RPH3AL: variants seen among roughly 807,000 people sequenced by gnomAD.
RPH3AL encodes rabphilin 3A like (without C2 domains).
RPH3AL carries 38 observed loss-of-function variants against 43.1 expected under a neutral mutation model. That is an observed-to-expected ratio of 0.88 (90% confidence interval 0.68 to 1.15). RPH3AL has a LOEUF of 1.15. Ranked by LOEUF, RPH3AL falls within the 50% of genes most tolerant of loss-of-function variation. The probability of loss-of-function intolerance (pLI) is 0.00; values close to 1 mark genes in which losing one functional copy is unlikely to be tolerated. For synonymous variants in RPH3AL, 189 were observed against 176.3 expected (o/e 1.07, Z -0.57); for missense variants, 462 against 423.2 (o/e 1.09, Z -0.81).
intron 5 of RPH3AL, among the ~76,000 whole-genome samples, chr17:304,416 C>T (rs1318921994): frequency 6.6e-6 from 1 of 152,090 alleles, no homozygotes; most frequent in Admixed American, 6.6e-5. Context: ...CTGTAAGTTA[C>T]TTTTTAAAAT....
At chr17:247,464 G>C (rs1177244664) in intron 6 of RPH3AL, among the ~76,000 whole-genome samples, 179 bp from the exon 7 acceptor site, 1 of 152,166 alleles carries the variant, frequency 6.6e-6, no homozygotes, top group Non-Finnish European at 1.5e-5. Context: ...CAGGACTCAG[G>C]ACATGAACTC....
chr17:293,477 C>G (rs6565706), intron 5 of RPH3AL, among the ~76,000 whole-genome samples: 135,909 of 149,752 alleles, frequency 0.91, 61,780 homozygotes, highest in East Asian at 0.98. Context: ...GGGGCCGGGG[C>G]TCCGGGGGTG....
At chr17:237,083 G>T (rs945799139) in intron 7 of RPH3AL, among the ~76,000 whole-genome samples, 1 of 152,202 alleles carries the variant, frequency 6.6e-6, no homozygotes, top group Admixed American at 6.5e-5. Flanking sequence ...GCTCTTCCCG[G>T]AAGACAGGTA....
In RPH3AL at chr17:264,471, C is replaced by A. The variant is rs1400234243; in HGVS notation, c.439-17186G>T. Reference sequence around the variant, plus strand: ...CAGGATTACCCTTCGGAGCCGCGAGCGCTGGATGGGGACTCAGAATCCGCA... The same window carrying A: ...CAGGATTACCCTTCGGAGCCGCGAGAGCTGGATGGGGACTCAGAATCCGCA... On this transcript the variant is annotated intron_variant, in intron 6 of 9. Transcript: ENST00000331302. The surrounding 1 kb of genome is among the most constrained non-coding windows in gnomAD (Gnocchi z 4.8). Among the ~76,000 whole-genome samples the A allele has an allele frequency of 1.3e-5, 2 of 149,146 alleles. No homozygotes were observed. The highest frequency in any genetic ancestry group is 4.9e-5 in the African/African-American group (2 of 40,668).
intron 5 of RPH3AL, among the ~76,000 whole-genome samples, chr17:308,166 T>A (rs2043548868): frequency 6.6e-6 from 1 of 152,216 alleles, no homozygotes; most frequent in African/African-American, 2.4e-5. Context: ...TGAGGCCAAT[T>A]TGCAGGCGAC....
chr17:315,070 G>A (rs1465973862), intron 5 of RPH3AL, among the ~76,000 whole-genome samples: 6 of 141,606 alleles, frequency 4.2e-5, no homozygotes, highest in Non-Finnish European at 9.2e-5. Context: ...TGTAGTCCCT[G>A]TGCTCCACCT....
chr17:335,336 G>A (rs576970910), intron 1 of RPH3AL, among the ~76,000 whole-genome samples: 54 of 152,250 alleles, frequency 3.5e-4, no homozygotes, highest in African/African-American at 1.3e-3. Context: ...ACCCACGTGC[G>A]AAGGCCAACA....
At chr17:252,933 G>A (rs958219194) in intron 6 of RPH3AL, among the ~76,000 whole-genome samples, 1 of 152,308 alleles carries the variant, frequency 6.6e-6, no homozygotes, top group African/African-American at 2.4e-5. Flanking sequence ...CACAGAGCGG[G>A]ACTGCAGGGT....
At chr17:280,756 A>G (rs1407857327) in intron 6 of RPH3AL, among the ~76,000 whole-genome samples, 1 of 152,184 alleles carries the variant, frequency 6.6e-6, no homozygotes, top group Non-Finnish European at 1.5e-5. Context: ...AGATAAAGAA[A>G]TAAACAAGAA....
Position 332,958 on chromosome 17 carries a change from G to A in RPH3AL, c.-37+801C>T, listed in dbSNP as rs193278429. 3.9e-5 allele frequency: 47 copies of A among 1,213,504 alleles called. 1 individual carries two copies. In the Admixed American group the frequency reaches 1.1e-3, roughly 27 times the overall value. The allele number at this position is 1,213,504 out of a possible 1,614,324, so 75.2% of individuals were successfully genotyped here. On this transcript the variant is annotated intron_variant, in intron 2 of 9. Transcript: ENST00000331302. ...GGGTACAGGGAACGGAACAGGAGTT[G>A]CCGGTGATAATTTCCCGAAAAATTC...
intron 5 of RPH3AL, among the ~76,000 whole-genome samples, chr17:284,058 C>T (rs2042845650): frequency 6.6e-6 from 1 of 152,198 alleles, no homozygotes; most frequent in African/African-American, 2.4e-5. Context: ...CGTGAGCTCT[C>T]CCTTCTGCAC....
At chr17:268,940 G>A (rs1338280573) in intron 6 of RPH3AL, among the ~76,000 whole-genome samples, 9 of 151,704 alleles carry the variant, frequency 5.9e-5, no homozygotes, top group South Asian at 2.1e-4. Flanking sequence ...GTGCAGTGCC[G>A]CGATCTCGGC....
Position 284,083 on chromosome 17 carries a change from G to A in RPH3AL, c.352-2229C>T, listed in dbSNP as rs190528438. Among the ~76,000 whole-genome samples the A allele has an allele frequency of 2.2e-3, 334 of 152,286 alleles. 2 individuals are homozygous for A. The highest frequency in any genetic ancestry group is 7.5e-3 in the African/African-American group (313 of 41,564). ...CCCTTCTGCACTCTACACACGCATC[G>A]GTTGAGGGCAGCTCACCTTATAAAC... On this transcript the variant is annotated intron_variant, in intron 5 of 9. Transcript: ENST00000331302.
At chr17:242,563 C>T (rs1456656488) in intron 7 of RPH3AL, among the ~76,000 whole-genome samples, 1 of 127,952 alleles carries the variant, frequency 7.8e-6, no homozygotes, top group Admixed American at 7.6e-5. Context: ...GATTACCTTC[C>T]TCTATTGACT....
chr17:316,659 C>G (rs556919114), intron 5 of RPH3AL, among the ~76,000 whole-genome samples: 54 of 145,752 alleles, frequency 3.7e-4, no homozygotes, highest in African/African-American at 1.3e-3. Flanking sequence ...AGTGCCTGTG[C>G]TCCACCTCCA....
At chr17:261,198 C>G (rs539607059) in intron 6 of RPH3AL, among the ~76,000 whole-genome samples, 1 of 152,206 alleles carries the variant, frequency 6.6e-6, no homozygotes, top group Non-Finnish European at 1.5e-5. Context: ...GTGCTGGGGG[C>G]TGAACTGTGT....
intron 1 of RPH3AL, among the ~76,000 whole-genome samples, chr17:345,890 C>A (rs1343688494): frequency 7.4e-6 from 1 of 135,396 alleles, no homozygotes; most frequent in Non-Finnish European, 1.7e-5. Flanking sequence ...CACACCCCGA[C>A]TTTGCACTGT....
chr17:305,802 C>T (rs529010179), intron 5 of RPH3AL, among the ~76,000 whole-genome samples: 5 of 152,220 alleles, frequency 3.3e-5, no homozygotes, highest in Admixed American at 6.5e-5. Context: ...ATGACATCCG[C>T]CTCTGAGCTG....
At chr17:298,704 CAAAAAAAA>C (rs745555861) in intron 5 of RPH3AL, among the ~76,000 whole-genome samples, 1 of 36,314 alleles carries the variant, frequency 2.8e-5, no homozygotes, top group Non-Finnish European at 7.0e-5. Context: ...GATGTTATCT[CAAAAAAAA>C]AAAAAAACTC....
Sources: allele counts gnomAD v4.1 joint callset (sites outside exome capture counted in the v4.1 genomes callset), GRCh38; gene constraint gnomAD v4.1.1; non-coding constraint Gnocchi (gnomAD v3.1); transcripts MANE v1.5; gene names NCBI Gene and HGNC (gene_info 2026-07-23, HGNC 2026-07-21).